The following GTF2B variants were observed in gnomAD, a reference collection of about 807,000 sequenced individuals.
The protein encoded by GTF2B is transcription initiation factor IIB.
GTF2B carries 20 observed loss-of-function variants against 34.6 expected under a neutral mutation model. The observed-to-expected ratio is 0.58, with a 90% CI of 0.41 to 0.84. The LOEUF is 0.84. GTF2B is among the 40% of genes least tolerant of loss of function. The pLI is 0.00. For synonymous variants in GTF2B, 142 were observed against 132.4 expected (o/e 1.07, Z -0.50); for missense variants, 237 against 393.3 (o/e 0.60, Z 3.36).
chr1:88,883,914 G>C (rs1485216744), intron 2 of GTF2B, among the ~76,000 whole-genome samples: 3 of 151,932 alleles, frequency 2.0e-5, no homozygotes, highest in Non-Finnish European at 4.4e-5. Context: ...TTCCACCTCA[G>C]GTTATACTGA....
At chr1:88,856,272 C>CAAAACAAAA (rs1673303004) in intron 6 of GTF2B, among the ~76,000 whole-genome samples, 1 of 50,042 alleles carries the variant, frequency 2.0e-5, no homozygotes, top group Non-Finnish European at 3.4e-5. Flanking sequence ...GTTTCAAAAA[C>CAAAACAAAA]AAAAAAAAAA....
chr1:88,879,919 G>A (rs1334736290), intron 2 of GTF2B, among the ~76,000 whole-genome samples: 2 of 151,868 alleles, frequency 1.3e-5, no homozygotes, highest in Non-Finnish European at 2.9e-5. Context: ...TTAGCCGGGC[G>A]GGGTGGCATG....
At chr1:88,856,294 A>G (rs1236995962) in intron 6 of GTF2B, among the ~76,000 whole-genome samples, 2 of 149,132 alleles carry the variant, frequency 1.3e-5, no homozygotes, top group African/African-American at 2.4e-5. Context: ...AAAAAAACAA[A>G]AAAAAAAAAG....
At chr1:88,887,946 G>C (rs913598837) in intron 1 of GTF2B, 10 of 152,198 alleles carry the variant, frequency 6.6e-5, no homozygotes, top group Admixed American at 4.6e-4. Flanking sequence ...TGTTTCAAAA[G>C]CTACTTGTTA....
At chr1:88,883,530 G>A (rs6673264) in intron 2 of GTF2B, among the ~76,000 whole-genome samples, 17,660 of 151,686 alleles carry the variant, frequency 0.12, 2,481 homozygotes, top group African/African-American at 0.34. Flanking sequence ...TCTGGGCAAC[G>A]CTGTGAGACC....
Position 88,873,431 on chromosome 1 carries a change from C to T in GTF2B, c.125-9317G>A, listed in dbSNP as rs573403301. On this transcript the variant is annotated intron_variant, in intron 2 of 6. Coordinates refer to ENST00000370500, the MANE Select transcript of GTF2B (RefSeq NM_001514.6). ...GGTCAGGCTGGTCTCAAACTCCTGA[C>T]CTCGTGATCTGCCTGCCTCGGCCTC... is the stretch of plus-strand genomic sequence containing the variant. Among the ~76,000 whole-genome samples, 41 of 152,140 alleles carry T rather than the reference C, an allele frequency of 2.7e-4. No homozygotes were observed. In the South Asian group the frequency reaches 8.5e-3, roughly 32 times the overall value.
At chr1:88,865,846 A>AAAAAC (rs1557655397) in intron 2 of GTF2B, among the ~76,000 whole-genome samples, 2 of 149,128 alleles carry the variant, frequency 1.3e-5, no homozygotes, top group Middle Eastern at 3.4e-3. Context: ...ATCTCAAAAA[A>AAAAAC]AAAACAAAAC....
chr1:88,882,636 T>C (rs1334585863), intron 2 of GTF2B, among the ~76,000 whole-genome samples: 1 of 152,242 alleles, frequency 6.6e-6, no homozygotes, highest in Non-Finnish European at 1.5e-5. Context: ...AAAGTTAATG[T>C]TCTCTATCAA....
rs533040917 is a variant in GTF2B at position 88,885,256 on chromosome 1, T to C, written c.124+2005A>G. On this transcript the variant is annotated intron_variant, in intron 2 of 6. Coordinates refer to ENST00000370500, the MANE Select transcript of GTF2B (RefSeq NM_001514.6). ...GAGTTCAAGACCAGCCTGGCCAACA[T>C]GCTGAAACCCTGTCTCTACTAAAAA... is the stretch of plus-strand genomic sequence containing the variant. Among the ~76,000 whole-genome samples the C allele has an allele frequency of 6.0e-3, 899 of 150,962 alleles. 8 individuals are homozygous for C. The highest frequency in any genetic ancestry group is 0.021 in the African/African-American group (873 of 40,690).
intron 2 of GTF2B, among the ~76,000 whole-genome samples, chr1:88,875,659 T>C (rs1673799927): frequency 6.6e-6 from 1 of 152,158 alleles, no homozygotes; most frequent in Non-Finnish European, 1.5e-5. Flanking sequence ...TATGCTTCAC[T>C]CGAAATTCAA....
chr1:88,875,419 A>G (rs1271571874), intron 2 of GTF2B, among the ~76,000 whole-genome samples: 1 of 152,188 alleles, frequency 6.6e-6, no homozygotes, highest in Non-Finnish European at 1.5e-5. Flanking sequence ...CCATCCCTGG[A>G]TATCTTATTA....
chr1:88,853,957 A>G (rs1673245468), intron 6 of GTF2B, among the ~76,000 whole-genome samples: 1 of 152,348 alleles, frequency 6.6e-6, no homozygotes. Context: ...AGGGTTGTCA[A>G]TGTTTTAAAG....
chr1:88,869,754 G>A (rs941481278), intron 2 of GTF2B, among the ~76,000 whole-genome samples: 1 of 151,916 alleles, frequency 6.6e-6, no homozygotes, highest in Non-Finnish European at 1.5e-5. Flanking sequence ...CAGCTTCCAA[G>A]TAGCTGGGAT....
At chr1:88,870,042 C>T (rs1211423203) in intron 2 of GTF2B, among the ~76,000 whole-genome samples, 1 of 152,098 alleles carries the variant, frequency 6.6e-6, no homozygotes, top group Non-Finnish European at 1.5e-5. Flanking sequence ...CTTCTCCTGC[C>T]TCAGCCTCCC....
In GTF2B at chr1:88,885,781, A is replaced by G. The variant is rs201413472; in HGVS notation, c.124+1480T>C. 2.0e-5 allele frequency among the ~76,000 whole-genome samples: 3 copies of G among 152,348 alleles called. No homozygotes were observed. In the East Asian group the frequency reaches 5.8e-4, roughly 29 times the overall value. On this transcript the variant is annotated intron_variant, in intron 2 of 6. Coordinates refer to ENST00000370500, the MANE Select transcript of GTF2B (RefSeq NM_001514.6). ...ACAAACGAAGAAAAACTTTATAGATACTGAAATTTGTATTTTCACATGTCC... is the reference window on the plus strand; with the variant it reads ...ACAAACGAAGAAAAACTTTATAGATGCTGAAATTTGTATTTTCACATGTCC...
intron 6 of GTF2B, among the ~76,000 whole-genome samples, chr1:88,856,274 A>AC (rs1673304219): frequency 8.2e-6 from 1 of 121,962 alleles, no homozygotes; most frequent in African/African-American, 3.7e-5. Flanking sequence ...TTCAAAAACA[A>AC]AAAAAAAAAA....
At chr1:88,877,084 T>C (rs1395450131) in intron 2 of GTF2B, among the ~76,000 whole-genome samples, 2 of 152,250 alleles carry the variant, frequency 1.3e-5, no homozygotes, top group Non-Finnish European at 2.9e-5. Flanking sequence ...CCTCAATATG[T>C]TACCAATGTA....
In GTF2B at chr1:88,856,531, G is replaced by A. The variant is rs368590214; in HGVS notation, c.817+675C>T. Among the ~76,000 whole-genome samples, 2 of 152,040 alleles carry A rather than the reference G, an allele frequency of 1.3e-5. 1 individual carries two copies. Among genetic ancestry groups the A allele is most frequent in the Admixed American group, 1.3e-4 (2 of 15,264 alleles). ...TATCTGTAGAATCCCATGCCAAGCA[G>A]TGAGAAACAAAGCATGGCCTCCCTG... On this transcript the variant is annotated intron_variant, in intron 6 of 6. Transcript: ENST00000370500.
intron 2 of GTF2B, among the ~76,000 whole-genome samples, chr1:88,873,130 G>A (rs1673736250): frequency 6.7e-6 from 1 of 150,076 alleles, no homozygotes; most frequent in African/African-American, 2.5e-5. Context: ...ACAGTCCCCA[G>A]CAGACTAATA....
Sources: allele counts gnomAD v4.1 joint callset (sites outside exome capture counted in the v4.1 genomes callset), GRCh38; gene constraint gnomAD v4.1.1; transcripts MANE v1.5; gene names NCBI Gene and HGNC (gene_info 2026-07-23, HGNC 2026-07-21).